SNX30: variants seen among roughly 807,000 people sequenced by gnomAD.
The protein encoded by SNX30 is sorting nexin family member 30.
A neutral mutation model predicts 46.4 loss-of-function variants in SNX30; 24 were observed. That is an observed-to-expected ratio of 0.52 (90% CI 0.37 to 0.73). The LOEUF (loss-of-function observed/expected upper bound fraction) is 0.73, where lower values mean the gene tolerates loss of function less well. Ranked by LOEUF, SNX30 falls within the 30% of genes least tolerant of loss-of-function variation. The probability of loss-of-function intolerance (pLI) is 0.00; values close to 1 mark genes in which losing one functional copy is unlikely to be tolerated. For missense variants in SNX30, 533 were observed against 555.7 expected (o/e 0.96, Z 0.41); for synonymous variants, 189 against 211.5 (o/e 0.89, Z 0.92).
intron 1 of SNX30, among the ~76,000 whole-genome samples, chr9:112,797,357 A>G (rs1023276205): frequency 3.3e-5 from 5 of 152,196 alleles, no homozygotes; most frequent in Non-Finnish European, 5.9e-5. Flanking sequence ...TTTTAAGCAT[A>G]TAGAAAAGGG....
At chr9:112,841,457 A>G (rs533484329) in intron 6 of SNX30, among the ~76,000 whole-genome samples, 32 of 152,358 alleles carry the variant, frequency 2.1e-4, no homozygotes, top group African/African-American at 7.0e-4. Context: ...AATCAGGTCA[A>G]TCAGGCTGAG....
rs890603388 is a variant in SNX30 at position 112,832,880 on chromosome 9, CTA to C, written c.618+2006_618+2007del. Reference sequence around the variant, plus strand: ...AATAAATATAATATATATAAAATATCTATATATATAAGGTCCTTTACTGCCTT... The same window carrying C: ...AATAAATATAATATATATAAAATATCTATATATAAGGTCCTTTACTGCCTT... On this transcript the variant is annotated intron_variant, in intron 4 of 8. Coordinates refer to ENST00000374232, the MANE Select transcript of SNX30 (RefSeq NM_001012994.2). Among the ~76,000 whole-genome samples, 3 of 144,434 alleles carry C rather than the reference CTA, an allele frequency of 2.1e-5. No individual in the cohort carries two copies. In the East Asian group the frequency reaches 6.0e-4, roughly 29 times the overall value. 94.8% of individuals were successfully genotyped at this position (144,434 alleles called of 152,430 possible). A position where few individuals can be genotyped will look rare whatever the true frequency, so the allele number is the denominator to read the frequency against.
At chr9:112,794,813 T>A (rs1840083222) in intron 1 of SNX30, among the ~76,000 whole-genome samples, 1 of 152,216 alleles carries the variant, frequency 6.6e-6, no homozygotes, top group Admixed American at 6.5e-5. Flanking sequence ...ATCTTAAAAT[T>A]GAAATTCTTT....
intron 1 of SNX30, among the ~76,000 whole-genome samples, chr9:112,775,740 A>G (rs1839736535): frequency 6.6e-6 from 1 of 151,288 alleles, no homozygotes; most frequent in African/African-American, 2.4e-5. Context: ...AAACTTTATA[A>G]AGATATGCTA....
intron 3 of SNX30, among the ~76,000 whole-genome samples, chr9:112,821,129 C>A (rs1311042978): frequency 6.6e-6 from 1 of 152,116 alleles, no homozygotes; most frequent in African/African-American, 2.4e-5. Flanking sequence ...ATGACAGCAA[C>A]TTACATTTCC....
At position 112,871,722 on chromosome 9, in the gene SNX30, G is replaced by C. The variant is rs1169957400; in HGVS notation, c.*2879G>C. On this transcript the variant is annotated 3_prime_UTR_variant, in exon 9 of 9. Transcript: ENST00000374232. ...TAAAAATCCAGAGGAAGACAGAAGA[G>C]AGGAGTCCTAGGAACTGAGCAGATT... 6.6e-6 allele frequency: 1 copy of C among 152,166 alleles called. No individual in the cohort carries two copies. The highest frequency in any genetic ancestry group is 2.4e-5 in the African/African-American group (1 of 41,446). The allele number at this position is 152,166 out of a possible 1,614,324, so 9.4% of individuals were successfully genotyped here.
At chr9:112,808,423 T>G (rs541727826) in intron 2 of SNX30, among the ~76,000 whole-genome samples, 129 of 152,312 alleles carry the variant, frequency 8.5e-4, no homozygotes, top group African/African-American at 2.8e-3. Context: ...TAAAAGTATC[T>G]TCTCTCCCCA....
At chr9:112,775,700 A>G (rs529244642) in intron 1 of SNX30, among the ~76,000 whole-genome samples, 1 of 151,626 alleles carries the variant, frequency 6.6e-6, no homozygotes, top group East Asian at 1.9e-4. Flanking sequence ...TTCCCTCCTC[A>G]GAGGCAACCA....
chr9:112,822,700 G>A lies in SNX30; in HGVS notation c.459+4885G>A, dbSNP rs572066702. ...TTGCTTTCCATGGTTTCAGTTACCT[G>A]TAGACCAAAAATATGACATGGAAAA... is the stretch of plus-strand genomic sequence containing the variant. On this transcript the variant is annotated intron_variant, in intron 3 of 8. Transcript: ENST00000374232. Among the ~76,000 whole-genome samples, 3 of 152,170 alleles carry A rather than the reference G, an allele frequency of 2.0e-5. No individual in the cohort carries two copies. In the East Asian group the frequency reaches 5.8e-4, roughly 29 times the overall value.
At chr9:112,857,751 G>A (rs1841157337) in intron 7 of SNX30, among the ~76,000 whole-genome samples, 1 of 149,958 alleles carries the variant, frequency 6.7e-6, no homozygotes, top group Non-Finnish European at 1.5e-5. Context: ...AAGGAGCTCA[G>A]TAACGCATGC....
chr9:112,845,026 A>C (rs4979162), intron 6 of SNX30, among the ~76,000 whole-genome samples: 115,865 of 152,136 alleles, frequency 0.76, 44,647 homozygotes, highest in South Asian at 0.86. Flanking sequence ...CAGAGTGGCT[A>C]ATTTCTTGCA....
chr9:112,822,533 T>TTTG (rs1554753723), intron 3 of SNX30, among the ~76,000 whole-genome samples: 5 of 60,730 alleles, frequency 8.2e-5, no homozygotes, highest in Admixed American at 5.1e-4. Flanking sequence ...CCTTTGCTGT[T>TTTG]TTGTTTTGTT....
chr9:112,812,390 G>A (rs1355039879), intron 2 of SNX30, among the ~76,000 whole-genome samples: 3 of 151,900 alleles, frequency 2.0e-5, no homozygotes, highest in Admixed American at 2.0e-4. Context: ...CGAGTAGCTG[G>A]GACTACAGGC....
rs1478172499 is a variant in SNX30, at chr9:112,817,708, A to G, written c.352A>G (p.Thr118Ala). ...YITYRITTKS[T>A]RVEFDLPEYS... ...TTTTCCATTCTCTTCTTTGCAGAGT[A>G]CTCGGGTGGAGTTTGACCTGCCAGA... The change falls in exon 3 of 9, where the codon ACT becomes GCT. Residue 118 changes from threonine to alanine, a missense_variant. By Grantham distance (58) the Thr-to-Ala change is moderately conservative. Transcript: ENST00000374232. 6.3e-7 allele frequency: 1 copy of G among 1,585,866 alleles called. No homozygotes were observed. The highest frequency in any genetic ancestry group is 1.7e-5 in the Admixed American group (1 of 59,968).
At chr9:112,825,965 G>T (rs1840573953) in intron 3 of SNX30, among the ~76,000 whole-genome samples, 1 of 152,194 alleles carries the variant, frequency 6.6e-6, no homozygotes, top group African/African-American at 2.4e-5. Context: ...TCTGCTTGCA[G>T]AAGGATTCTC....
chr9:112,840,489 T>C (rs189859250), intron 6 of SNX30, among the ~76,000 whole-genome samples: 1 of 152,342 alleles, frequency 6.6e-6, no homozygotes, highest in Admixed American at 6.5e-5. Flanking sequence ...GTTTTTTGTT[T>C]GTTTGTTTTT....
intron 3 of SNX30, among the ~76,000 whole-genome samples, chr9:112,821,032 G>T (rs1840484032): frequency 6.6e-6 from 1 of 152,146 alleles, no homozygotes; most frequent in Non-Finnish European, 1.5e-5. Context: ...ATTTTGGGGG[G>T]GGTGTATTCT....
At chr9:112,779,892 C>T (rs566034131) in intron 1 of SNX30, among the ~76,000 whole-genome samples, 5 of 152,050 alleles carry the variant, frequency 3.3e-5, no homozygotes, top group East Asian at 1.9e-4. Flanking sequence ...TCTGAGGGGA[C>T]GTGGGGAATC....
intron 7 of SNX30, among the ~76,000 whole-genome samples, chr9:112,852,075 G>T (rs10981529): frequency 0.029 from 4,402 of 152,246 alleles, 114 homozygotes; most frequent in East Asian, 0.088. Flanking sequence ...TGTTCCAGAA[G>T]ATCACAGGCC....
Sources: gnomAD v4.1 joint callset for allele counts (sites outside exome capture counted in the v4.1 genomes callset) on GRCh38, gnomAD v4.1.1 for gene constraint, MANE v1.5 for transcripts, NCBI Gene and HGNC (gene_info 2026-07-23, HGNC 2026-07-21) for gene names.